EPB41L5: variants seen among roughly 807,000 people sequenced by gnomAD.
EPB41L5 encodes the protein erythrocyte membrane protein band 4.1 like 5.
A neutral mutation model predicts 106.6 loss-of-function variants in EPB41L5; 55 were observed. That is an observed-to-expected ratio of 0.52 (90% CI 0.42 to 0.65). The LOEUF (loss-of-function observed/expected upper bound fraction) is 0.65. EPB41L5 is among the 30% of genes least tolerant of loss of function. The pLI, the probability that EPB41L5 is intolerant of heterozygous loss-of-function variation, is 0.00. For missense variants in EPB41L5, 871 were observed against 882.1 expected (o/e 0.99, Z 0.16); for synonymous variants, 297 against 306.7 (o/e 0.97, Z 0.33).
chr2:120,105,787 A>G lies in EPB41L5; in HGVS notation c.1337+4973A>G, dbSNP rs536428846. 213 of 985,334 alleles carry G rather than the reference A, an allele frequency of 2.2e-4. 2 individuals are homozygous for G. In the South Asian group the frequency reaches 9.0e-3, roughly 42 times the overall value. 61.0% of individuals were successfully genotyped at this position (985,334 alleles called of 1,614,324 possible). ...TTTTAGACTTTACATAGCTCAGATG[A>G]TAATTGCTAAGTATTGTCATGGCTG... On this transcript the variant is annotated intron_variant, in intron 16 of 24. Coordinates refer to ENST00000263713, the MANE Select transcript of EPB41L5 (RefSeq NM_020909.4).
intron 17 of EPB41L5, among the ~76,000 whole-genome samples, chr2:120,130,209 G>A (rs376325896): frequency 1.4e-5 from 2 of 144,888 alleles, no homozygotes; most frequent in Non-Finnish European, 3.0e-5. Flanking sequence ...GTATTAAAGC[G>A]GAGCTTGAAT....
intron 10 of EPB41L5, among the ~76,000 whole-genome samples, chr2:120,084,239 G>C (rs954812837): frequency 5.9e-5 from 9 of 152,224 alleles, no homozygotes; most frequent in African/African-American, 2.2e-4. Context: ...TTACAATTTG[G>C]CATGGTTTTG....
At chr2:120,112,665 A>G (rs1481803282) in intron 16 of EPB41L5, among the ~76,000 whole-genome samples, 2 of 152,340 alleles carry the variant, frequency 1.3e-5, no homozygotes, top group South Asian at 2.1e-4. Flanking sequence ...AGAAAATTCT[A>G]AAGTAGCTAA....
intron 3 of EPB41L5, among the ~76,000 whole-genome samples, chr2:120,047,441 C>G (rs894185572): frequency 6.6e-6 from 1 of 151,842 alleles, no homozygotes; most frequent in African/African-American, 2.4e-5. Context: ...CGGGAGTTCA[C>G]TCATGATTTG....
chr2:120,109,153 C>A (rs1019881739), intron 16 of EPB41L5, among the ~76,000 whole-genome samples: 1 of 152,164 alleles, frequency 6.6e-6, no homozygotes, highest in African/African-American at 2.4e-5. Context: ...GACCCTCTTC[C>A]TGTTGTATGC....
chr2:120,147,398 T>G (rs1221256934), intron 20 of EPB41L5, among the ~76,000 whole-genome samples: 1 of 151,868 alleles, frequency 6.6e-6, no homozygotes, highest in Non-Finnish European at 1.5e-5. Context: ...GTCCCAGCAC[T>G]TTGGATCGCC....
chr2:120,053,314 G>C (rs1029893866), intron 3 of EPB41L5, among the ~76,000 whole-genome samples: 1 of 152,038 alleles, frequency 6.6e-6, no homozygotes. Context: ...TTAGCATGAC[G>C]ATGTCATTTT....
At chr2:120,098,051 A>C (rs1235578559) in intron 14 of EPB41L5, among the ~76,000 whole-genome samples, 1 of 152,110 alleles carries the variant, frequency 6.6e-6, no homozygotes, top group Non-Finnish European at 1.5e-5. Context: ...ACTTAGGATC[A>C]TGGGTATTCT....
At chr2:120,042,713 T>G (rs1437394439) in intron 3 of EPB41L5, among the ~76,000 whole-genome samples, 2 of 152,154 alleles carry the variant, frequency 1.3e-5, no homozygotes, top group Admixed American at 6.6e-5. Context: ...GGTTTAGTGG[T>G]TATATCATTC....
chr2:120,107,538 G>A (rs1361926223), intron 16 of EPB41L5, among the ~76,000 whole-genome samples: 1 of 152,042 alleles, frequency 6.6e-6, no homozygotes, highest in Non-Finnish European at 1.5e-5. Flanking sequence ...ATAAGGGCTA[G>A]GATTTGGAGA....
intron 3 of EPB41L5, among the ~76,000 whole-genome samples, chr2:120,063,184 T>TA (rs901891964): frequency 3.6e-4 from 54 of 151,130 alleles, no homozygotes; most frequent in African/African-American, 1.2e-3. Context: ...TACTAAAAAT[T>TA]AAAAAAAATT....
chr2:120,113,213 G>C lies in EPB41L5; in HGVS notation c.1337+12399G>C, dbSNP rs936494049. Among the ~76,000 whole-genome samples, 6 of 152,262 alleles carry C rather than the reference G, an allele frequency of 3.9e-5. No homozygotes were observed. In the East Asian group the frequency reaches 9.6e-4, roughly 24 times the overall value. On this transcript the variant is annotated intron_variant, in intron 16 of 24. Coordinates refer to ENST00000263713, the MANE Select transcript of EPB41L5 (RefSeq NM_020909.4). ...GTGTCTGAGGTTTGTTCCCATTTTT[G>C]TGAAAGCAACCAAATCATGTATATA... is the stretch of plus-strand genomic sequence containing the variant.
chr2:120,111,865 TA>T (rs1684742663), intron 16 of EPB41L5, among the ~76,000 whole-genome samples: 1 of 152,178 alleles, frequency 6.6e-6, no homozygotes, highest in African/African-American at 2.4e-5. Flanking sequence ...TTCCTCCCTT[TA>T]TCTTCTATCA....
At chr2:120,101,062 A>G (rs1684114244) in intron 16 of EPB41L5, among the ~76,000 whole-genome samples, 1 of 152,248 alleles carries the variant, frequency 6.6e-6, no homozygotes, top group South Asian at 2.1e-4. Flanking sequence ...TTGAAACAAA[A>G]CGTTAATACA....
intron 10 of EPB41L5, among the ~76,000 whole-genome samples, chr2:120,080,410 A>T (rs1682565400): frequency 6.6e-6 from 1 of 152,180 alleles, no homozygotes; most frequent in African/African-American, 2.4e-5. Flanking sequence ...TTCCAGCTTC[A>T]TCCATGTCCC....
chr2:120,163,912 AG>A (rs1687258463), intron 21 of EPB41L5, among the ~76,000 whole-genome samples: 1 of 150,958 alleles, frequency 6.6e-6, no homozygotes, highest in African/African-American at 2.4e-5. Context: ...TGCTTGTGCC[AG>A]TGCACTTCAG....
At chr2:120,161,070 A>C in intron 21 of EPB41L5, 96 bp downstream of exon 21, 1 of 853,512 alleles carries the variant, frequency 1.2e-6, no homozygotes, top group Admixed American at 1.8e-5. Flanking sequence ...ACTGAGTGAC[A>C]CTGGGACTTA....
intron 2 of EPB41L5, among the ~76,000 whole-genome samples, chr2:120,037,846 A>G (rs1679140376): frequency 6.6e-6 from 1 of 152,218 alleles, no homozygotes; most frequent in Non-Finnish European, 1.5e-5. Flanking sequence ...CCCACATGGA[A>G]AAGAAAGAAG....
In EPB41L5 at chr2:120,169,809, T is replaced by C. The variant is rs560003348; in HGVS notation, c.2135+1802T>C. ...AATGGCCAGTAAGCATTCTAGACAG[T>C]GTGCAACTTGATTAGTCCGTGGGGA... On this transcript the variant is annotated intron_variant, in intron 24 of 24. Coordinates refer to ENST00000263713, the MANE Select transcript of EPB41L5 (RefSeq NM_020909.4). Among the ~76,000 whole-genome samples, 556 of 152,342 alleles carry C rather than the reference T, an allele frequency of 3.6e-3. 3 individuals are homozygous for C. The highest frequency in any genetic ancestry group is 4.5e-3 in the Non-Finnish European group (305 of 68,018).
Sources: gnomAD v4.1 joint callset for allele counts (sites outside exome capture counted in the v4.1 genomes callset) on GRCh38, gnomAD v4.1.1 for gene constraint, MANE v1.5 for transcripts, NCBI Gene and HGNC (gene_info 2026-07-23, HGNC 2026-07-21) for gene names.